MEGF11: variants seen among roughly 807,000 people sequenced by gnomAD.
MEGF11 encodes the protein multiple epidermal growth factor-like domains protein 11.
A neutral mutation model predicts 146.6 loss-of-function variants in MEGF11; 126 were observed. The ratio of observed to expected loss-of-function variants is 0.86; its 90% CI spans 0.74 to 1.00. The LOEUF (loss-of-function observed/expected upper bound fraction) is 1.00. Among genes scored for constraint, MEGF11 ranks in the 50% least tolerant of loss-of-function variants. MEGF11 has a pLI of 0.00. For missense variants in MEGF11, 1,509 were observed against 1,521.2 expected (o/e 0.99, Z 0.13); for synonymous variants, 532 against 583.4 (o/e 0.91, Z 1.27).
intron 5 of MEGF11, among the ~76,000 whole-genome samples, chr15:66,049,116 A>G (rs1268064107): frequency 6.6e-6 from 1 of 152,092 alleles, no homozygotes; most frequent in Non-Finnish European, 1.5e-5. Flanking sequence ...GTCACAGCAT[A>G]AGCTGGAGTC....
intron 7 of MEGF11, among the ~76,000 whole-genome samples, chr15:65,979,551 G>A (rs900488947): frequency 2.6e-5 from 4 of 152,206 alleles, no homozygotes; most frequent in South Asian, 2.1e-4. Context: ...CCCCTGAAAC[G>A]GAGCGTGTTA....
At chr15:65,926,741 G>A (rs1250266632) in intron 13 of MEGF11, among the ~76,000 whole-genome samples, 1 of 152,248 alleles carries the variant, frequency 6.6e-6, no homozygotes, top group Non-Finnish European at 1.5e-5. Context: ...CAGAGGCCTT[G>A]CTGAAAGGTG....
intron 5 of MEGF11, among the ~76,000 whole-genome samples, chr15:66,040,549 A>C (rs1189085345): frequency 2.0e-5 from 3 of 152,158 alleles, no homozygotes; most frequent in Non-Finnish European, 2.9e-5. Context: ...GCCCCCTCCA[A>C]GTCCTACAAG....
intron 5 of MEGF11, among the ~76,000 whole-genome samples, chr15:66,032,019 T>C (rs998534650): frequency 2.0e-5 from 3 of 152,310 alleles, no homozygotes; most frequent in African/African-American, 4.8e-5. Context: ...ACACACCCTA[T>C]TGTGAACTGT....
At chr15:66,023,839 G>C (rs1003369352) in intron 5 of MEGF11, among the ~76,000 whole-genome samples, 3 of 152,222 alleles carry the variant, frequency 2.0e-5, no homozygotes, top group Non-Finnish European at 4.4e-5. Flanking sequence ...CTGGGGCACA[G>C]CCCTGCCGAG....
At chr15:65,968,264 C>G (rs2081181288) in intron 8 of MEGF11, among the ~76,000 whole-genome samples, 1 of 152,158 alleles carries the variant, frequency 6.6e-6, no homozygotes. Context: ...TAATCACTAT[C>G]TGAGTTGCCA....
At chr15:66,172,529 A>G (rs980845870) in intron 1 of MEGF11, among the ~76,000 whole-genome samples, 1 of 152,040 alleles carries the variant, frequency 6.6e-6, no homozygotes, top group East Asian at 1.9e-4. Context: ...CAGGGCTACC[A>G]CAGGCTGCCT....
At chr15:66,029,428 C>T (rs2083443614) in intron 5 of MEGF11, among the ~76,000 whole-genome samples, 4 of 152,178 alleles carry the variant, frequency 2.6e-5, no homozygotes, top group Admixed American at 2.6e-4. Flanking sequence ...ACTATACATC[C>T]TGTGTGCCTG....
rs777590660 is a variant in MEGF11 at position 65,922,505 on chromosome 15, C to T, written c.1823-33G>A. On this transcript the variant is annotated intron_variant, in intron 14 of 25. Transcript: ENST00000395614. ...TGAAGGGAAGATGGTGGTCAGCAGC[C>T]CAAGAGACCCCAGCCAGCCTAGCTA... is the stretch of plus-strand genomic sequence containing the variant. The T allele has an allele frequency of 2.0e-4, 308 of 1,516,392 alleles. 3 individuals carry two copies. In the South Asian group the frequency reaches 3.8e-3, roughly 19 times the overall value. 93.9% of individuals were successfully genotyped at this position (1,516,392 alleles called of 1,614,324 possible). A position where few individuals can be genotyped will look rare whatever the true frequency, so the allele number is the denominator to read the frequency against.
intron 1 of MEGF11, among the ~76,000 whole-genome samples, chr15:66,154,296 T>TTG (rs1328629133): frequency 6.2e-5 from 5 of 80,318 alleles, no homozygotes; most frequent in Non-Finnish European, 8.1e-5. Flanking sequence ...CTCCCCAACC[T>TTG]CGCGCTCGCC....
chr15:66,181,485 C>A (rs2090546955), intron 1 of MEGF11, among the ~76,000 whole-genome samples: 1 of 152,170 alleles, frequency 6.6e-6, no homozygotes, highest in South Asian at 2.1e-4. Context: ...TTTATTTAGC[C>A]ACATAAGGAC....
chr15:65,999,073 C>G (rs888417628), intron 5 of MEGF11, among the ~76,000 whole-genome samples: 1 of 149,828 alleles, frequency 6.7e-6, no homozygotes, highest in Non-Finnish European at 1.5e-5. Flanking sequence ...AAGACAGGGT[C>G]TCGTTCTGTT....
intron 1 of MEGF11, among the ~76,000 whole-genome samples, chr15:66,218,842 C>T (rs927653709): frequency 2.0e-5 from 3 of 152,004 alleles, no homozygotes; most frequent in Non-Finnish European, 4.4e-5. Context: ...CCCTCAGCTT[C>T]CCTGGGTTTC....
intron 5 of MEGF11, among the ~76,000 whole-genome samples, chr15:65,998,935 T>TA: frequency 6.6e-6 from 1 of 152,314 alleles, no homozygotes; most frequent in East Asian, 1.9e-4. Context: ...GGAGGGAATC[T>TA]AATGACCTTC....
At chr15:66,050,343 G>A (rs2084400108) in intron 5 of MEGF11, among the ~76,000 whole-genome samples, 1 of 151,178 alleles carries the variant, frequency 6.6e-6, no homozygotes, top group South Asian at 2.1e-4. Context: ...GAGGGGGCTG[G>A]GGTAGAGACC....
intron 10 of MEGF11, among the ~76,000 whole-genome samples, chr15:65,934,728 T>A (rs957649424): frequency 6.6e-6 from 1 of 152,082 alleles, no homozygotes; most frequent in East Asian, 1.9e-4. Context: ...AGCAATGTAA[T>A]CAATGATTCC....
chr15:66,007,591 A>C (rs1454888843), intron 5 of MEGF11, among the ~76,000 whole-genome samples: 1 of 152,168 alleles, frequency 6.6e-6, no homozygotes, highest in Admixed American at 6.5e-5. Flanking sequence ...CTTTACAAAA[A>C]ATACAAAAAT....
intron 10 of MEGF11, among the ~76,000 whole-genome samples, chr15:65,933,434 G>A (rs968693222): frequency 5.9e-5 from 9 of 152,204 alleles, no homozygotes; most frequent in African/African-American, 2.2e-4. Context: ...TGTGAGCCCT[G>A]TTGCAGGTCT....
intron 5 of MEGF11, among the ~76,000 whole-genome samples, chr15:66,079,699 G>A (rs1444217499): frequency 2.6e-5 from 4 of 152,280 alleles, no homozygotes; most frequent in East Asian, 1.9e-4. Context: ...ATTCAGGTGC[G>A]TTTGCCATAC....
Sources: allele counts gnomAD v4.1 joint callset (sites outside exome capture counted in the v4.1 genomes callset), GRCh38; gene constraint gnomAD v4.1.1; transcripts MANE v1.5; gene names NCBI Gene and HGNC (gene_info 2026-07-23, HGNC 2026-07-21).